Variants in KCND2 observed in about 807,000 individuals in gnomAD.
KCND2 encodes the protein A-type voltage-gated potassium channel KCND2.
In KCND2, 16 loss-of-function variants were observed where a neutral mutation model predicts 54.4. That is an observed-to-expected ratio of 0.29 (90% CI 0.20 to 0.45). KCND2 has a LOEUF of 0.45. KCND2 is among the 20% of genes least tolerant of loss of function. The probability of loss-of-function intolerance (pLI) is 1.00; values close to 1 mark genes in which losing one functional copy is unlikely to be tolerated. For missense variants in KCND2, 486 were observed against 824.2 expected (o/e 0.59, Z 5.02); for synonymous variants, 317 against 310.7 (o/e 1.02, Z -0.21).
intron 1 of KCND2, among the ~76,000 whole-genome samples, chr7:120,279,639 C>A (rs1459871818): frequency 6.6e-6 from 1 of 151,836 alleles, no homozygotes; most frequent in African/African-American, 2.4e-5. Context: ...TGCCAGAAAA[C>A]TTAGCATAAT....
At chr7:120,513,665 GTT>G (rs1366145345) in intron 1 of KCND2, among the ~76,000 whole-genome samples, 1 of 151,926 alleles carries the variant, frequency 6.6e-6, no homozygotes, top group African/African-American at 2.4e-5. Context: ...ATAGTTGAGA[GTT>G]TGGTTTGTTG....
chr7:120,590,347 G>A (rs1390390771), intron 1 of KCND2, among the ~76,000 whole-genome samples: 1 of 152,004 alleles, frequency 6.6e-6, no homozygotes, highest in Non-Finnish European at 1.5e-5. Flanking sequence ...CTTCACAGTG[G>A]TTTGCATCTC....
chr7:120,610,886 A>G (rs1010324656), intron 1 of KCND2, among the ~76,000 whole-genome samples: 1 of 152,148 alleles, frequency 6.6e-6, no homozygotes, highest in African/African-American at 2.4e-5. Context: ...TCAGGATTCT[A>G]AATACAGCCT....
chr7:120,572,390 C>T (rs1792376881), intron 1 of KCND2, among the ~76,000 whole-genome samples: 1 of 152,110 alleles, frequency 6.6e-6, no homozygotes, highest in Admixed American at 6.5e-5. Context: ...TGTATGGTTT[C>T]TACACAGATT....
chr7:120,568,899 T>A (rs1335373479), intron 1 of KCND2, among the ~76,000 whole-genome samples: 3 of 151,900 alleles, frequency 2.0e-5, no homozygotes, highest in African/African-American at 4.8e-5. Context: ...ATCTTTTTTT[T>A]AATTTTGTTT....
chr7:120,430,554 TA>T (rs528129487), intron 1 of KCND2, among the ~76,000 whole-genome samples: 102 of 145,464 alleles, frequency 7.0e-4, no homozygotes, highest in Non-Finnish European at 7.2e-4. Context: ...GACCCTATCT[TA>T]AAAAAAAAAA....
chr7:120,432,413 T>C (rs756181795), intron 1 of KCND2, among the ~76,000 whole-genome samples: 3 of 152,182 alleles, frequency 2.0e-5, no homozygotes, highest in Non-Finnish European at 4.4e-5. Context: ...TCTAGCATTG[T>C]GTGGATAATG....
chr7:120,506,879 A>C (rs927639979), intron 1 of KCND2, among the ~76,000 whole-genome samples: 1 of 151,748 alleles, frequency 6.6e-6, no homozygotes, highest in Non-Finnish European at 1.5e-5. Flanking sequence ...ATTACTATCC[A>C]TGTTGTTTAC....
chr7:120,506,254 T>A (rs554872885), intron 1 of KCND2, among the ~76,000 whole-genome samples: 173 of 151,894 alleles, frequency 1.1e-3, no homozygotes, highest in African/African-American at 4.0e-3. Context: ...ATATGCTAGA[T>A]GGTGGGTACA....
chr7:120,354,616 C>T (rs1311097164), intron 1 of KCND2, among the ~76,000 whole-genome samples: 1 of 152,162 alleles, frequency 6.6e-6, no homozygotes, highest in African/African-American at 2.4e-5. Context: ...TACATGGTGG[C>T]ATGGGCCTGT....
At chr7:120,435,897 A>G (rs1801859466) in intron 1 of KCND2, among the ~76,000 whole-genome samples, 1 of 152,212 alleles carries the variant, frequency 6.6e-6, no homozygotes, top group Non-Finnish European at 1.5e-5. Context: ...ACTATGCAGT[A>G]TATTAAGGAG....
chr7:120,298,969 C>T (rs1282310000), intron 1 of KCND2, among the ~76,000 whole-genome samples: 1 of 152,072 alleles, frequency 6.6e-6, no homozygotes, highest in African/African-American at 2.4e-5. Flanking sequence ...ACCAGCCTGG[C>T]CAACATGGGT....
At chr7:120,465,053 G>T (rs750124831) in intron 1 of KCND2, among the ~76,000 whole-genome samples, 1 of 152,172 alleles carries the variant, frequency 6.6e-6, no homozygotes, top group Non-Finnish European at 1.5e-5. Flanking sequence ...AGCGGCAAAG[G>T]TCATGGAGGA....
intron 1 of KCND2, among the ~76,000 whole-genome samples, chr7:120,287,527 A>T (rs935818613): frequency 6.6e-5 from 10 of 151,998 alleles, no homozygotes; most frequent in African/African-American, 1.9e-4. Context: ...TTTTCATCCT[A>T]TTTTGACTTC....
intron 1 of KCND2, among the ~76,000 whole-genome samples, chr7:120,462,965 A>T (rs1262382013): frequency 2.0e-5 from 3 of 152,178 alleles, no homozygotes; most frequent in Non-Finnish European, 2.9e-5. Context: ...ATCCAAACTT[A>T]CTTTTCTACT....
Position 120,275,022 on chromosome 7 carries a change from C to T in KCND2, c.390C>T (p.Gly130=), listed in dbSNP as rs138118192. The change falls in exon 1 of 6, where the codon GGC becomes GGT. Residue 130 remains glycine, a synonymous_variant. Coordinates refer to ENST00000331113, the MANE Select transcript of KCND2 (RefSeq NM_012281.3). ...TTGGCCTCATCCCGGAAATCATCGGCGACTGCTGTTATGAGGAGTACAAGG... is the reference window on the plus strand; with the variant it reads ...TTGGCCTCATCCCGGAAATCATCGGTGACTGCTGTTATGAGGAGTACAAGG... ...AFFGLIPEII[G]DCCYEEYKDR... The T allele has an allele frequency of 7.4e-6, 12 of 1,614,026 alleles. No homozygotes were observed. The highest frequency in any genetic ancestry group is 4.4e-5 in the South Asian group (4 of 91,072).
At chr7:120,418,532 G>A (rs182772123) in intron 1 of KCND2, among the ~76,000 whole-genome samples, 8 of 152,248 alleles carry the variant, frequency 5.3e-5, no homozygotes, top group Admixed American at 2.0e-4. Context: ...ATCACCTTGG[G>A]CAGGGGTTGG....
chr7:120,596,639 G>C (rs1349296386), intron 1 of KCND2, among the ~76,000 whole-genome samples: 1 of 152,126 alleles, frequency 6.6e-6, no homozygotes, highest in Non-Finnish European at 1.5e-5. Context: ...ATCTGGATCA[G>C]CATTGAGAAG....
chr7:120,294,315 C>T (rs1799477847), intron 1 of KCND2, among the ~76,000 whole-genome samples: 1 of 151,814 alleles, frequency 6.6e-6, no homozygotes, highest in Non-Finnish European at 1.5e-5. Context: ...TGAATACAAA[C>T]AGTTGTAGAC....
Sources: gnomAD v4.1 joint callset for allele counts (sites outside exome capture counted in the v4.1 genomes callset) on GRCh38, gnomAD v4.1.1 for gene constraint, MANE v1.5 for transcripts, NCBI Gene and HGNC (gene_info 2026-07-23, HGNC 2026-07-21) for gene names.